N4BP2L2: variants seen among roughly 807,000 people sequenced by gnomAD.
The protein encoded by N4BP2L2 is NEDD4-binding protein 2-like 2.
Under a neutral mutation model 56.2 loss-of-function variants are expected in N4BP2L2, and 50 were observed. The ratio of observed to expected loss-of-function variants is 0.89; its 90% CI spans 0.71 to 1.13. The LOEUF is 1.13. N4BP2L2 is among the 50% of genes most tolerant of loss of function. The pLI is 0.00. For missense variants in N4BP2L2, 689 were observed against 693.8 expected, an observed-to-expected ratio of 0.99 and a Z score of 0.08; for synonymous variants, 203 against 223.6, an observed-to-expected ratio of 0.91 and a Z score of 0.82.
rs754818083 is a variant in N4BP2L2 at position 32,438,747 on chromosome 13, A to C, written c.2105-10T>G. On this transcript the variant is annotated splice_polypyrimidine_tract_variant and intron_variant, in intron 7 of 9. Coordinates refer to the N4BP2L2 transcript ENST00000357505. Reference sequence around the variant, plus strand: ...TCAGGCAACAAGGATTCTGTGAAAGAAAGAAAGACCTAATCTCATCTCTAA... The same window carrying C: ...TCAGGCAACAAGGATTCTGTGAAAGCAAGAAAGACCTAATCTCATCTCTAA... 3.9e-5 allele frequency: 62 copies of C among 1,588,382 alleles called. 1 individual carries two copies. In the South Asian group the frequency reaches 6.5e-4, roughly 17 times the overall value.
At chr13:32,498,009 AG>A (rs1223099426) in intron 6 of N4BP2L2, among the ~76,000 whole-genome samples, 1 of 152,090 alleles carries the variant, frequency 6.6e-6, no homozygotes, top group Middle Eastern at 3.2e-3. Flanking sequence ...TTTCTTTGAG[AG>A]AGTCTCCCTC....
chr13:32,485,574 A>G (rs1005532022), intron 6 of N4BP2L2, among the ~76,000 whole-genome samples: 1 of 152,338 alleles, frequency 6.6e-6, no homozygotes, highest in Non-Finnish European at 1.5e-5. Flanking sequence ...TATATAAAAA[A>G]ATGATTACAC....
chr13:32,535,894 C>T, exon 2 of N4BP2L2: 1 of 1,614,086 alleles, frequency 6.2e-7, no homozygotes, highest in Non-Finnish European at 8.5e-7. Flanking sequence ...TATGCTTGTC[C>T]ATACAATGAT....
In N4BP2L2 at chr13:32,486,139, C is replaced by T. The variant is rs528827802; in HGVS notation, c.365+31718G>A. ...TCCCCAATCTGATATAAAACATGTA[C>T]GAAAACTCCACATTCATCATACTTA... On this transcript the variant is annotated intron_variant, in intron 6 of 9. Coordinates refer to the N4BP2L2 transcript ENST00000357505. Among the ~76,000 whole-genome samples, 8 of 152,120 alleles carry T rather than the reference C, an allele frequency of 5.3e-5. No individual in the cohort carries two copies. The East Asian group carries it at 1.5e-3, about 29-fold the overall frequency.
chr13:32,535,963 A>G (rs1306644885), exon 2 of N4BP2L2: 1 of 1,614,072 alleles, frequency 6.2e-7, no homozygotes. Flanking sequence ...GATCTTGCAT[A>G]CTGCAGCCAT....
chr13:32,500,441 A>G (rs570174652), intron 6 of N4BP2L2, among the ~76,000 whole-genome samples: 103 of 152,020 alleles, frequency 6.8e-4, no homozygotes, highest in South Asian at 5.4e-3. Context: ...CTAAAAATTC[A>G]GAATATGTCA....
rs115828737 is a variant in N4BP2L2, at chr13:32,525,992, C to T, written c.1384+1416G>A. On this transcript the variant is annotated intron_variant, in intron 3 of 5. Coordinates refer to ENST00000267068, the Ensembl canonical transcript of N4BP2L2. ...CCTGTGCAGCTACTGATTAAGCTCA[C>T]CATTACTAAGAACAGGACAACCAAA... Among the ~76,000 whole-genome samples, 431 of 142,390 alleles carry T rather than the reference C, an allele frequency of 3.0e-3. 2 individuals carry two copies. Among genetic ancestry groups the T allele is most frequent in the African/African-American group, 0.011 (401 of 36,096 alleles). 93.4% of individuals were successfully genotyped at this position (142,390 alleles called of 152,430 possible).
In N4BP2L2 at chr13:32,443,438, T is replaced by TG; in HGVS notation, c.1053dup (p.Thr352HisfsTer6). 6.2e-7 allele frequency: 1 copy of TG among 1,614,002 alleles called. No homozygotes were observed. The highest frequency in any genetic ancestry group is 8.5e-7 in the Non-Finnish European group (1 of 1,179,888). ...AAATCTTCATCAGATAAATTGGTTG[T>TG]GAAAAAAGCCCAGTGATTGATTTTA... On this transcript the variant is annotated frameshift_variant, in exon 7 of 10. Coordinates refer to the N4BP2L2 transcript ENST00000357505. LOFTEE classifies it high-confidence loss of function.
chr13:32,490,111 C>G (rs2086725888), intron 6 of N4BP2L2: 1 of 152,052 alleles, frequency 6.6e-6, no homozygotes, highest in Admixed American at 6.5e-5. Flanking sequence ...AGCACTCTTT[C>G]TCCTCCTCCT....
At chr13:32,537,334 G>A (rs2056810939) in intron 1 of N4BP2L2, among the ~76,000 whole-genome samples, 1 of 151,868 alleles carries the variant, frequency 6.6e-6, no homozygotes, top group South Asian at 2.1e-4. Context: ...AAAGATTTAA[G>A]TATGTCTGTA....
At chr13:32,463,930 A>AG in intron 6 of N4BP2L2, among the ~76,000 whole-genome samples, 1 of 150,144 alleles carries the variant, frequency 6.7e-6, no homozygotes, top group East Asian at 1.9e-4. Context: ...AAAAAAAAAA[A>AG]AAAAAAAAGG....
chr13:32,517,693 TTG>T lies in N4BP2L2; in HGVS notation c.*107_*108del. 3 of 1,441,512 alleles carry T rather than the reference TTG, an allele frequency of 2.1e-6. No homozygotes were observed. The South Asian group carries it at 4.6e-5, about 22-fold the overall frequency. The allele number at this position is 1,441,512 out of a possible 1,614,324, so 89.3% of individuals were successfully genotyped here. On this transcript the variant is annotated 3_prime_UTR_variant, in exon 6 of 6. Coordinates refer to ENST00000267068, the Ensembl canonical transcript of N4BP2L2. ...TTAAACAACTTGCTGGGAACATCCT[TTG>T]TGAGGCACTGTAGCCTTTTTTTATT...
chr13:32,522,045 A>G, intron 4 of N4BP2L2, 137 bp downstream of exon 4: 2 of 621,666 alleles, frequency 3.2e-6, no homozygotes, highest in Non-Finnish European at 5.6e-6. Context: ...TTTTTTAAAA[A>G]CTAAGCAAAC....
chr13:32,443,571 C>T (rs2138308236), exon 7 of N4BP2L2: 1 of 1,611,314 alleles, frequency 6.2e-7, no homozygotes, highest in Non-Finnish European at 8.5e-7. Context: ...TTTCTCTCTT[C>T]TTCATAAATA....
At chr13:32,440,994 A>G (rs2076243242) in intron 7 of N4BP2L2, among the ~76,000 whole-genome samples, 1 of 151,736 alleles carries the variant, frequency 6.6e-6, no homozygotes, top group African/African-American at 2.4e-5. Flanking sequence ...AGCTAGGATT[A>G]CAGGCACACG....
At chr13:32,516,696 T>G (rs539469658) in exon 6 of N4BP2L2, 1 of 168,716 alleles carries the variant, frequency 5.9e-6, no homozygotes, top group South Asian at 2.0e-4. Context: ...GGGTTTTTTT[T>G]CCCCTAAAAA....
Position 32,503,345 on chromosome 13 carries a change from A to G in N4BP2L2, c.365+14512T>C, listed in dbSNP as rs551550904. Among the ~76,000 whole-genome samples the G allele has an allele frequency of 4.7e-4, 72 of 152,258 alleles. No individual in the cohort carries two copies. The South Asian group carries it at 0.014, about 30-fold the overall frequency. On this transcript the variant is annotated intron_variant, in intron 6 of 9. Transcript: ENST00000357505. Reference sequence around the variant, plus strand: ...GTATTCATTCTTCAAACACAAATCAAGCTTTTTTTAGGTGCTTAATACTGA... The same window carrying G: ...GTATTCATTCTTCAAACACAAATCAGGCTTTTTTTAGGTGCTTAATACTGA...
intron 6 of N4BP2L2, among the ~76,000 whole-genome samples, chr13:32,455,038 C>G (rs1182667147): frequency 6.6e-6 from 1 of 152,190 alleles, no homozygotes; most frequent in African/African-American, 2.4e-5. Context: ...TGGAGATGAC[C>G]TGATAGCACT....
At chr13:32,488,813 G>A (rs926383158) in intron 6 of N4BP2L2, among the ~76,000 whole-genome samples, 1 of 152,048 alleles carries the variant, frequency 6.6e-6, no homozygotes, top group Admixed American at 6.6e-5. Flanking sequence ...AAAGAAATTA[G>A]GCAAAAAAAG....
Sources: gnomAD v4.1 joint callset for allele counts (sites outside exome capture counted in the v4.1 genomes callset) on GRCh38, gnomAD v4.1.1 for gene constraint, MANE v1.5 for transcripts, NCBI Gene and HGNC (gene_info 2026-07-23, HGNC 2026-07-21) for gene names.